The following NPAS3 variants were observed in gnomAD, a reference collection of about 807,000 sequenced individuals.
NPAS3 encodes the protein neuronal PAS domain protein 3.
Under a neutral mutation model 73.1 loss-of-function variants are expected in NPAS3, and 14 were observed. The observed-to-expected ratio is 0.19, with a 90% confidence interval of 0.13 to 0.30. The LOEUF is 0.30. Ranked by LOEUF, NPAS3 falls within the 10% of genes least tolerant of loss-of-function variation. NPAS3 has a pLI of 1.00. For missense variants in NPAS3, 1,096 were observed against 1,250.0 expected (o/e 0.88, Z 1.86); for synonymous variants, 620 against 541.5 (o/e 1.14, Z -2.01).
At chr14:33,391,811 C>T (rs1041381812) in intron 4 of NPAS3, among the ~76,000 whole-genome samples, 1 of 152,084 alleles carries the variant, frequency 6.6e-6, no homozygotes, top group Non-Finnish European at 1.5e-5. Context: ...GACATGCTCA[C>T]CCTTGGGTAT....
chr14:33,588,150 G>A (rs778182018), intron 5 of NPAS3, among the ~76,000 whole-genome samples: 6 of 152,200 alleles, frequency 3.9e-5, no homozygotes, highest in African/African-American at 7.2e-5. Flanking sequence ...TGAAGCCGCC[G>A]TCAAACAGGC....
At chr14:33,674,673 T>C (rs529008237) in intron 5 of NPAS3, among the ~76,000 whole-genome samples, 53 of 152,260 alleles carry the variant, frequency 3.5e-4, no homozygotes, top group Non-Finnish European at 7.1e-4. Flanking sequence ...AGTGGTTGGG[T>C]GATACAGGAG....
At chr14:33,547,742 A>G (rs2054915169) in intron 4 of NPAS3, among the ~76,000 whole-genome samples, 1 of 152,242 alleles carries the variant, frequency 6.6e-6, no homozygotes, top group Non-Finnish European at 1.5e-5. Flanking sequence ...GTCGTTTTCC[A>G]GGCTATACCA....
chr14:33,485,927 A>C (rs983151404), intron 4 of NPAS3, among the ~76,000 whole-genome samples: 1 of 151,862 alleles, frequency 6.6e-6, no homozygotes, highest in African/African-American at 2.4e-5. Context: ...TGCCACCTCT[A>C]GGGGGTCATA....
intron 6 of NPAS3, among the ~76,000 whole-genome samples, chr14:33,698,373 G>C (rs1298994281): frequency 6.6e-6 from 1 of 152,188 alleles, no homozygotes; most frequent in African/African-American, 2.4e-5. Flanking sequence ...AAACTGGGTG[G>C]TTTCCATGTT....
intron 2 of NPAS3, among the ~76,000 whole-genome samples, chr14:33,078,542 A>AC (rs71118525): frequency 0.46 from 65,986 of 142,214 alleles, 16,791 homozygotes; most frequent in Middle Eastern, 0.62. Flanking sequence ...CAAAAAAAAA[A>AC]AAACAAACAA....
At chr14:33,541,545 G>A (rs939071809) in intron 4 of NPAS3, among the ~76,000 whole-genome samples, 13 of 152,136 alleles carry the variant, frequency 8.5e-5, no homozygotes, top group African/African-American at 3.1e-4. Flanking sequence ...TTAGCTTCAC[G>A]CATAGAACAT....
intron 5 of NPAS3, among the ~76,000 whole-genome samples, chr14:33,619,000 G>C (rs1595290913): frequency 6.6e-6 from 1 of 152,270 alleles, no homozygotes; most frequent in East Asian, 1.9e-4. Context: ...CTTGTTCTTT[G>C]AAAATTAAGT....
intron 4 of NPAS3, among the ~76,000 whole-genome samples, chr14:33,421,899 A>G (rs2048373949): frequency 6.6e-6 from 1 of 151,952 alleles, no homozygotes; most frequent in Admixed American, 6.6e-5. Context: ...ATGGATAGGA[A>G]GTAAATGAAA....
At chr14:33,317,816 G>A (rs2043271494) in intron 3 of NPAS3, among the ~76,000 whole-genome samples, 1 of 151,948 alleles carries the variant, frequency 6.6e-6, no homozygotes, top group Non-Finnish European at 1.5e-5. Flanking sequence ...GCATGAGAAT[G>A]GACTAATACA....
chr14:33,410,503 T>A (rs1212326177), intron 4 of NPAS3, among the ~76,000 whole-genome samples: 1 of 152,202 alleles, frequency 6.6e-6, no homozygotes, highest in Non-Finnish European at 1.5e-5. Flanking sequence ...CTGTTGTTAT[T>A]TCAATCAATT....
At chr14:33,425,595 G>T (rs1314607130) in intron 4 of NPAS3, among the ~76,000 whole-genome samples, 3 of 146,936 alleles carry the variant, frequency 2.0e-5, no homozygotes, top group African/African-American at 5.1e-5. Context: ...ACATGTAATA[G>T]ACACTAGCAA....
At chr14:32,986,102 C>A (rs2038087404) in intron 1 of NPAS3, among the ~76,000 whole-genome samples, 1 of 152,136 alleles carries the variant, frequency 6.6e-6, no homozygotes, top group South Asian at 2.1e-4. Context: ...CTGTGTGCAG[C>A]TGTGGTTTTG....
At chr14:33,144,342 G>T (rs1468796072) in intron 2 of NPAS3, among the ~76,000 whole-genome samples, 1 of 152,204 alleles carries the variant, frequency 6.6e-6, no homozygotes, top group Non-Finnish European at 1.5e-5. Flanking sequence ...AGATGTGCTT[G>T]TTGGACAAAA....
intron 4 of NPAS3, among the ~76,000 whole-genome samples, chr14:33,448,815 T>C (rs1446492539): frequency 1.3e-5 from 2 of 152,050 alleles, no homozygotes; most frequent in African/African-American, 4.8e-5. Flanking sequence ...GAATGAAAAA[T>C]AGCAGCATAC....
intron 2 of NPAS3, among the ~76,000 whole-genome samples, chr14:33,168,426 A>G (rs1207676581): frequency 6.6e-6 from 1 of 152,196 alleles, no homozygotes; most frequent in African/African-American, 2.4e-5. Flanking sequence ...GGAACAATTC[A>G]ACCAAAGCTG....
intron 5 of NPAS3, 103 bp downstream of exon 5, chr14:33,560,313 A>C (rs1420768086): frequency 1.6e-6 from 1 of 616,410 alleles, no homozygotes; most frequent in East Asian, 2.7e-5. Context: ...GAATTATCAA[A>C]TGTATTATTT....
At chr14:33,112,794 T>A (rs1215564366) in intron 2 of NPAS3, among the ~76,000 whole-genome samples, 123 of 152,320 alleles carry the variant, frequency 8.1e-4, no homozygotes, top group Admixed American at 2.9e-3. Context: ...GTTTTTATGG[T>A]TTTAGGGCTA....
At chr14:33,136,066 T>C (rs1040888080) in intron 2 of NPAS3, among the ~76,000 whole-genome samples, 5 of 138,706 alleles carry the variant, frequency 3.6e-5, no homozygotes, top group African/African-American at 1.3e-4. Flanking sequence ...TTCTTTTTTT[T>C]TTTTTTTTTT....
Sources: gnomAD v4.1 joint callset for allele counts (sites outside exome capture counted in the v4.1 genomes callset) on GRCh38, gnomAD v4.1.1 for gene constraint, MANE v1.5 for transcripts, NCBI Gene and HGNC (gene_info 2026-07-23, HGNC 2026-07-21) for gene names.